CREBBP: variants seen among roughly 807,000 people sequenced by gnomAD.
CREBBP encodes the protein CREB-binding protein.
CREBBP carries 19 observed loss-of-function variants against 265.0 expected under a neutral mutation model. That is an observed-to-expected ratio of 0.07 (90% confidence interval 0.05 to 0.11). The LOEUF is 0.11. Among genes scored for constraint, CREBBP ranks in the 10% least tolerant of loss-of-function variants. CREBBP has a pLI of 1.00. For synonymous variants in CREBBP, 1,457 were observed against 1,223.7 expected (o/e 1.19, Z -3.98); for missense variants, 2,525 against 3,219.0 (o/e 0.78, Z 5.22).
At chr16:3,776,553 C>T (rs1282700386) in intron 11 of CREBBP, among the ~76,000 whole-genome samples, 2 of 152,138 alleles carry the variant, frequency 1.3e-5, no homozygotes, top group South Asian at 2.1e-4. Context: ...AAGAGCAGCC[C>T]GTGCCGTCCC....
At chr16:3,799,636 T>C (rs932058160) in intron 3 of CREBBP, among the ~76,000 whole-genome samples, 23 of 152,228 alleles carry the variant, frequency 1.5e-4, no homozygotes, top group African/African-American at 4.8e-4. Context: ...TGATTAAATA[T>C]TGAAAACTGG....
intron 28 of CREBBP, among the ~76,000 whole-genome samples, chr16:3,735,453 C>A (rs952839987): frequency 2.0e-5 from 3 of 152,198 alleles, no homozygotes; most frequent in African/African-American, 4.8e-5. Flanking sequence ...CCCCCTCCCA[C>A]AACCGGCTAA....
chr16:3,829,325 A>G (rs923900995), intron 2 of CREBBP, among the ~76,000 whole-genome samples: 3 of 152,246 alleles, frequency 2.0e-5, no homozygotes, highest in Non-Finnish European at 4.4e-5. Context: ...TTAAAGTGTG[A>G]AATACACAGT....
At chr16:3,777,124 C>T (rs1230590958) in intron 11 of CREBBP, among the ~76,000 whole-genome samples, 6 of 151,932 alleles carry the variant, frequency 3.9e-5, no homozygotes, top group African/African-American at 7.2e-5. Flanking sequence ...GGACGGATCA[C>T]GGAGATCAAG....
At position 3,781,220 on chromosome 16, in the gene CREBBP, A is replaced by T. The variant is rs1429074358; in HGVS notation, c.1660T>A (p.Ser554Thr). ...NLISESALPT[S>T]LGATNPLMND... ...GGGTCTTACTTTGTGGCCCCCAGGGAAGTCGGAAGAGCTGATTCTGAAATC... is the reference window on the plus strand; with the variant it reads ...GGGTCTTACTTTGTGGCCCCCAGGGTAGTCGGAAGAGCTGATTCTGAAATC... Residue 554 changes from serine (S) to threonine (T), a missense_variant, in exon 7 of 31, where the codon TCC becomes ACC. Ser to Thr is a moderately conservative substitution (Grantham distance 58). This residue lies in a region of CREBBP where 144 missense variants were observed against 134.0 expected (regional missense o/e 1.07). Coordinates refer to ENST00000262367, the MANE Select transcript of CREBBP (RefSeq NM_004380.3). 1 of 1,613,972 alleles carries T rather than the reference A, an allele frequency of 6.2e-7. No homozygotes were observed. Among genetic ancestry groups the T allele is most frequent in the South Asian group, 1.1e-5 (1 of 91,064 alleles).
At chr16:3,765,967 C>T (rs539002661) in intron 16 of CREBBP, among the ~76,000 whole-genome samples, 56 of 152,226 alleles carry the variant, frequency 3.7e-4, no homozygotes, top group African/African-American at 1.2e-3. Flanking sequence ...GCTGAGATTA[C>T]GGGTGTGAGC....
chr16:3,849,444 TGTGTGTGTGTGTGTGTG>T (rs2054766692), intron 2 of CREBBP, among the ~76,000 whole-genome samples: 1 of 24,836 alleles, frequency 4.0e-5, no homozygotes, highest in African/African-American at 7.0e-5. Context: ...TGTGTGTGTG[TGTGTGTGTGTGTGTGTG>T]TGTGTGTGTG....
intron 26 of CREBBP, among the ~76,000 whole-genome samples, chr16:3,737,672 C>T (rs2052099768): frequency 6.6e-6 from 1 of 152,148 alleles, no homozygotes; most frequent in African/African-American, 2.4e-5. Context: ...CCATGTTGGT[C>T]AGGCTGGTCT....
rs974272679 is a variant in CREBBP, at chr16:3,725,937, C to A, written c.*1781G>T. The A allele has an allele frequency of 4.3e-6, 1 of 233,060 alleles. No individual in the cohort carries two copies. The highest frequency in any genetic ancestry group is 2.2e-5 in the African/African-American group (1 of 45,320). The allele number at this position is 233,060 out of a possible 1,614,324, so 14.4% of individuals were successfully genotyped here. A position where few individuals can be genotyped will look rare whatever the true frequency, so the allele number is the denominator to read the frequency against. ...TAGGGGATGAACTTCAGCTCCCCTG[C>A]CCATGGTCCTCCTCTCAGTTTTACG... On this transcript the variant is annotated 3_prime_UTR_variant, in exon 31 of 31. Transcript: ENST00000262367.
intron 23 of CREBBP, 37 bp downstream of exon 23, chr16:3,744,857 G>T: frequency 6.7e-7 from 1 of 1,483,232 alleles, no homozygotes; most frequent in Non-Finnish European, 9.4e-7. Flanking sequence ...TTTCTAAAAT[G>T]TGCAGTCCAG....
chr16:3,820,483 G>A (rs749333223), intron 2 of CREBBP, among the ~76,000 whole-genome samples: 1 of 152,200 alleles, frequency 6.6e-6, no homozygotes, highest in Non-Finnish European at 1.5e-5. Context: ...TCAGGAAAAT[G>A]TGCGGCCCCC....
In CREBBP at chr16:3,726,234, G is replaced by A. The variant is rs991721445; in HGVS notation, c.*1484C>T. 4 of 227,332 alleles carry A rather than the reference G, an allele frequency of 1.8e-5. No individual in the cohort carries two copies. Among genetic ancestry groups the A allele is most frequent in the Admixed American group, 1.2e-4 (2 of 17,180 alleles). 14.1% of individuals were successfully genotyped at this position (227,332 alleles called of 1,614,324 possible). ...CTCTCTGCCTCAGATTCTGGGAGTC[G>A]TGTACGGGGGGGGGGAGCCGCCTGA... On this transcript the variant is annotated 3_prime_UTR_variant, in exon 31 of 31. Coordinates refer to ENST00000262367, the MANE Select transcript of CREBBP (RefSeq NM_004380.3).
intron 3 of CREBBP, among the ~76,000 whole-genome samples, chr16:3,802,903 C>T (rs999325592): frequency 2.0e-5 from 3 of 152,050 alleles, no homozygotes; most frequent in African/African-American, 4.8e-5. Flanking sequence ...GATACCAAAG[C>T]GAACATCAGG....
Position 3,727,909 on chromosome 16 carries a change from T to A in CREBBP, c.7138A>T (p.Thr2380Ser), listed in dbSNP as rs1039054233. The A allele has an allele frequency of 1.9e-5, 31 of 1,612,126 alleles. No individual in the cohort carries two copies. Among genetic ancestry groups the A allele is most frequent in the Non-Finnish European group, 2.1e-5 (25 of 1,178,858 alleles). ...GCGAGTCCGGGGTGGGGGGAACCAG[T>A]CTGGGGTGAGACGTGGTGTGGCGAA... ...QPSPHHVSPQ[T>S]GSPHPGLAVT... The change falls in exon 31 of 31, where the codon ACT becomes TCT. Residue 2380 changes from threonine to serine, a missense_variant. Thr to Ser is a moderately conservative substitution (Grantham distance 58). Coordinates refer to ENST00000262367, the MANE Select transcript of CREBBP (RefSeq NM_004380.3).
At chr16:3,758,164 T>C (rs1386399245) in intron 17 of CREBBP, 116 bp from the exon 18 acceptor site, 1 of 1,053,218 alleles carries the variant, frequency 9.5e-7, no homozygotes, top group Non-Finnish European at 1.4e-6. Context: ...ATAACTTCCA[T>C]TCCCAACAGT....
At chr16:3,839,766 GGGAA>G (rs1310500706) in intron 2 of CREBBP, among the ~76,000 whole-genome samples, 1 of 145,706 alleles carries the variant, frequency 6.9e-6, no homozygotes, top group Non-Finnish European at 1.5e-5. Context: ...AGGGAGGAAA[GGGAA>G]GGAAGGGAAG....
chr16:3,876,973 A>G (rs1413611599), intron 1 of CREBBP, among the ~76,000 whole-genome samples: 1 of 152,096 alleles, frequency 6.6e-6, no homozygotes, highest in Non-Finnish European at 1.5e-5. Flanking sequence ...TTTTTCTCTC[A>G]GCTCACTGCC....
chr16:3,865,534 G>T (rs950115955), intron 1 of CREBBP, among the ~76,000 whole-genome samples: 2 of 152,176 alleles, frequency 1.3e-5, no homozygotes, highest in African/African-American at 4.8e-5. Flanking sequence ...TACTTCCAGT[G>T]GTTACCTGGG....
chr16:3,816,402 G>C (rs2054036823), intron 2 of CREBBP, among the ~76,000 whole-genome samples: 2 of 152,192 alleles, frequency 1.3e-5, no homozygotes, highest in African/African-American at 4.8e-5. Flanking sequence ...CCCCAAGAAA[G>C]AATGGGGGTG....
Sources: gnomAD v4.1 joint callset for allele counts (sites outside exome capture counted in the v4.1 genomes callset) on GRCh38, gnomAD v4.1.1 for gene constraint, gnomAD v4.1.1 regional missense constraint, MANE v1.5 for transcripts, NCBI Gene and HGNC (gene_info 2026-07-23, HGNC 2026-07-21) for gene names.